The following DGKG variants were observed in gnomAD, a reference collection of about 807,000 sequenced individuals.
DGKG encodes DAG kinase gamma.
In DGKG, 78 loss-of-function variants were observed where a neutral mutation model predicts 105.3. The observed-to-expected ratio is 0.74, with a 90% CI of 0.62 to 0.89. The LOEUF (loss-of-function observed/expected upper bound fraction) is 0.89, where lower values mean the gene tolerates loss of function less well. Ranked by LOEUF, DGKG falls within the 40% of genes least tolerant of loss-of-function variation. The pLI is 0.00. For missense variants in DGKG, 958 were observed against 1,020.1 expected, an observed-to-expected ratio of 0.94 and a Z score of 0.83; for synonymous variants, 346 against 367.1, an observed-to-expected ratio of 0.94 and a Z score of 0.66.
chr3:186,161,047 AC>A, intron 24 of DGKG: 1 of 986,628 alleles, frequency 1.0e-6, no homozygotes, highest in Non-Finnish European at 1.2e-6. Context: ...CTGCGTGGTG[AC>A]TCATTCAGTG....
intron 1 of DGKG, among the ~76,000 whole-genome samples, chr3:186,360,232 C>T (rs543816005): frequency 1.3e-5 from 2 of 152,076 alleles, no homozygotes; most frequent in Admixed American, 1.3e-4. Context: ...GATTTCAAGA[C>T]ACGCTGATGT....
At chr3:186,162,822 G>A (rs1716363721) in intron 23 of DGKG, among the ~76,000 whole-genome samples, 1 of 152,098 alleles carries the variant, frequency 6.6e-6, no homozygotes, top group African/African-American at 2.4e-5. Flanking sequence ...GATTACAGGC[G>A]TGAGCCACCG....
At chr3:186,268,479 G>A (rs1286814693) in intron 12 of DGKG, among the ~76,000 whole-genome samples, 3 of 152,150 alleles carry the variant, frequency 2.0e-5, no homozygotes, top group East Asian at 1.9e-4. Context: ...CAGTGTCCCC[G>A]GCCCTAGGTG....
intron 22 of DGKG, among the ~76,000 whole-genome samples, chr3:186,176,101 G>A (rs980562716): frequency 6.6e-6 from 1 of 152,196 alleles, no homozygotes; most frequent in African/African-American, 2.4e-5. Context: ...GGGTGGGGGT[G>A]AGCCTCTTCT....
In DGKG at chr3:186,280,841, A is replaced by G; in HGVS notation, c.595-97T>C. 6.2e-6 allele frequency: 6 copies of G among 975,364 alleles called. No individual in the cohort carries two copies. In the Admixed American group the frequency reaches 1.0e-4, roughly 16 times the overall value. 60.4% of individuals were successfully genotyped at this position (975,364 alleles called of 1,614,324 possible). ...AATTAAGCCCAGTGGGAAGAGGGAC[A>G]GGGCAGGGCAAGAGAAGAAGCTGGT... is the stretch of plus-strand genomic sequence containing the variant. On this transcript the variant is annotated intron_variant, in intron 7 of 24. Transcript: ENST00000265022.
intron 20 of DGKG, among the ~76,000 whole-genome samples, chr3:186,229,150 G>A (rs1720003965): frequency 1.3e-5 from 2 of 152,108 alleles, no homozygotes; most frequent in Non-Finnish European, 2.9e-5. Context: ...CAGACTGGCG[G>A]CAACCTCTAG....
chr3:186,272,690 G>A (rs76292222), intron 10 of DGKG, among the ~76,000 whole-genome samples: 2,396 of 152,260 alleles, frequency 0.016, 64 homozygotes, highest in African/African-American at 0.054. Context: ...TTGCATGCCC[G>A]GGACATTGGA....
intron 12 of DGKG, 94 bp downstream of exon 12, chr3:186,268,707 T>C: frequency 1.1e-6 from 1 of 873,374 alleles, no homozygotes; most frequent in Non-Finnish European, 1.9e-6. Context: ...CTGGCTTTGC[T>C]CATGCCCTCT....
At chr3:186,206,244 C>T (rs1718727431) in intron 21 of DGKG, among the ~76,000 whole-genome samples, 2 of 152,078 alleles carry the variant, frequency 1.3e-5, no homozygotes, top group East Asian at 3.9e-4. Context: ...ATTAGCTGGG[C>T]GTGGTGGTGC....
In DGKG at chr3:186,293,594, G is replaced by A. The variant is rs143444498; in HGVS notation, c.373+3827C>T. On this transcript the variant is annotated intron_variant, in intron 5 of 24. Coordinates refer to ENST00000265022, the MANE Select transcript of DGKG (RefSeq NM_001346.3). The stretch of plus-strand genomic sequence containing the variant: ...ACAGTGATAGATTGCTCAGGCCTCC[G>A]AGCCGAAGTCTGGACCCTGAAAGCC... Among the ~76,000 whole-genome samples, 484 of 152,284 alleles carry A rather than the reference G, an allele frequency of 3.2e-3. 16 individuals carry two copies. Among genetic ancestry groups the A allele is most frequent in the Admixed American group, 0.028 (428 of 15,300 alleles).
At chr3:186,242,618 G>A (rs748013473) in intron 19 of DGKG, 50 bp from the exon 20 acceptor site, 1 of 1,529,280 alleles carries the variant, frequency 6.5e-7, no homozygotes, top group South Asian at 1.2e-5. Flanking sequence ...TCATGACAGT[G>A]CAGTGCGGAG....
intron 24 of DGKG, chr3:186,160,489 C>T: frequency 1.0e-6 from 1 of 985,232 alleles, no homozygotes; most frequent in Non-Finnish European, 1.2e-6. Context: ...TCATTTTTTT[C>T]TTGGTCTTCA....
At chr3:186,244,524 C>T (rs1056522084) in intron 19 of DGKG, among the ~76,000 whole-genome samples, 5 of 151,818 alleles carry the variant, frequency 3.3e-5, no homozygotes, top group South Asian at 2.1e-4. Flanking sequence ...TCCGCTTCAG[C>T]CTCATGAGTA....
At position 186,210,944 on chromosome 3, in the gene DGKG, G is replaced by C. The variant is rs567853144; in HGVS notation, c.1917+851C>G. On this transcript the variant is annotated intron_variant, in intron 21 of 24. Coordinates refer to ENST00000265022, the MANE Select transcript of DGKG (RefSeq NM_001346.3). The surrounding 1 kb of genome is among the most constrained non-coding windows in gnomAD (Gnocchi z 5.2). ...GCATAGAAGTTTGGGCTTTCAGGTG[G>C]CCAGACACCAAGGAGCTGTCCTCAT... Among the ~76,000 whole-genome samples the C allele has an allele frequency of 6.6e-6, 1 of 152,204 alleles. No homozygotes were observed. The highest frequency in any genetic ancestry group is 1.5e-5 in the Non-Finnish European group (1 of 68,034).
Position 186,296,758 on chromosome 3 carries a change from CAG to C in DGKG, c.373+661_373+662del, listed in dbSNP as rs1578792807. On this transcript the variant is annotated intron_variant, in intron 5 of 24. Coordinates refer to ENST00000265022, the MANE Select transcript of DGKG (RefSeq NM_001346.3). ...GAATCCCTGGCTCCACAGGTCACAC[CAG>C]TGGTATATAATCTCTTAAGGCCTCA... Among the ~76,000 whole-genome samples the C allele has an allele frequency of 2.6e-5, 4 of 152,274 alleles. No individual in the cohort carries two copies. The East Asian group carries it at 7.7e-4, about 29-fold the overall frequency.
chr3:186,222,931 G>A (rs2108531338), intron 20 of DGKG, among the ~76,000 whole-genome samples: 1 of 147,900 alleles, frequency 6.8e-6, no homozygotes, highest in African/African-American at 2.5e-5. Context: ...CTGCACTCCA[G>A]CCTGGGCGAC....
chr3:186,206,729 G>A (rs1373155979), intron 21 of DGKG, among the ~76,000 whole-genome samples: 1 of 151,968 alleles, frequency 6.6e-6, no homozygotes, highest in Non-Finnish European at 1.5e-5. Flanking sequence ...GTGGGGGTGT[G>A]GGGACATGCT....
At chr3:186,272,810 C>T (rs1722381143) in intron 10 of DGKG, among the ~76,000 whole-genome samples, 1 of 150,902 alleles carries the variant, frequency 6.6e-6, no homozygotes, top group East Asian at 2.0e-4. Flanking sequence ...CCTCCGCCTC[C>T]CGGGTTCAAG....
chr3:186,319,018 C>G (rs1465497772), intron 2 of DGKG, among the ~76,000 whole-genome samples: 1 of 152,238 alleles, frequency 6.6e-6, no homozygotes, highest in Non-Finnish European at 1.5e-5. Context: ...CAGGGTAGGC[C>G]TCTCCTTTGT....
Sources: gnomAD v4.1 joint callset for allele counts (sites outside exome capture counted in the v4.1 genomes callset) on GRCh38, gnomAD v4.1.1 for gene constraint, Gnocchi (gnomAD v3.1) non-coding constraint, MANE v1.5 for transcripts, NCBI Gene and HGNC (gene_info 2026-07-23, HGNC 2026-07-21) for gene names.